The following FBXO31 variants were observed in gnomAD, a reference collection of about 807,000 sequenced individuals.
The protein encoded by FBXO31 is F-box only protein 31.
FBXO31 carries 24 observed loss-of-function variants against 54.4 expected under a neutral mutation model. The ratio of observed to expected loss-of-function variants is 0.44; its 90% CI spans 0.32 to 0.62. The LOEUF is 0.62. Among genes scored for constraint, FBXO31 ranks in the 20% least tolerant of loss-of-function variants. The probability of loss-of-function intolerance (pLI) is 0.05; values close to 1 mark genes in which losing one functional copy is unlikely to be tolerated. For synonymous variants in FBXO31, 388 were observed against 335.6 expected, an observed-to-expected ratio of 1.16 and a Z score of -1.71; for missense variants, 665 against 787.1, an observed-to-expected ratio of 0.84 and a Z score of 1.86.
upstream of FBXO31, chr16:87,384,210 T>TG (rs1907244879): frequency 6.6e-6 from 1 of 152,426 alleles, no homozygotes; most frequent in Non-Finnish European, 1.5e-5. Flanking sequence ...AGTAGAAAGA[T>TG]GCGCCTTACA....
chr16:87,366,584 C>G (rs950907796), intron 1 of FBXO31, among the ~76,000 whole-genome samples: 1 of 152,158 alleles, frequency 6.6e-6, no homozygotes, highest in Non-Finnish European at 1.5e-5. Context: ...CAGGGGTCAC[C>G]TGGAAACAGC....
At chr16:87,385,737 G>C (rs1336217836), upstream of FBXO31, among the ~76,000 whole-genome samples, 1 of 152,132 alleles carries the variant, frequency 6.6e-6, no homozygotes, top group African/African-American at 2.4e-5. Context: ...GGCCAGGCCT[G>C]GTGGCTCACA....
chr16:87,378,726 C>T (rs1229337155), intron 1 of FBXO31, among the ~76,000 whole-genome samples: 1 of 152,180 alleles, frequency 6.6e-6, no homozygotes, highest in African/African-American at 2.4e-5. Context: ...CTTTGGGAGG[C>T]AGAGGCGGGT....
rs567334491 is a variant in FBXO31, at chr16:87,334,192, T to C, written c.1091A>G (p.Asn364Ser). The change falls in exon 8 of 9, where the codon AAT becomes AGT. Residue 364 changes from asparagine (N) to serine (S), a missense_variant. Asn to Ser is a conservative substitution (Grantham distance 46, BLOSUM62 1). Transcript: ENST00000311635. ...CTCCAGGACGATGCGGGAGAGCTCA[T>C]TGAAGTTGCGCTGGTTCTCGAGGTC... ...LPDLENQRNF[N>S]ELSRIVLEVR... 1.1e-5 allele frequency: 18 copies of C among 1,612,748 alleles called. No individual in the cohort carries two copies. Among genetic ancestry groups the C allele is most frequent in the South Asian group, 9.9e-5 (9 of 91,026 alleles).
rs115890004 is a variant in FBXO31, at chr16:87,352,217, C to T, written c.413-4967G>A. Among the ~76,000 whole-genome samples, 602 of 152,280 alleles carry T rather than the reference C, an allele frequency of 4.0e-3. 5 individuals are homozygous for T. Among genetic ancestry groups the T allele is most frequent in the African/African-American group, 0.014 (579 of 41,522 alleles). On this transcript the variant is annotated intron_variant, in intron 2 of 8. Transcript: ENST00000311635. ...TCTGTCAGTTATAAAGAAATAAACA[C>T]TTCTCTGACAATCTAGGAGGCTAAA...
At chr16:87,365,795 G>C (rs1906342788) in intron 1 of FBXO31, among the ~76,000 whole-genome samples, 1 of 152,182 alleles carries the variant, frequency 6.6e-6, no homozygotes, top group African/African-American at 2.4e-5. Flanking sequence ...CACTTTGGGA[G>C]GCCAGGCAAA....
At chr16:87,373,631 C>G (rs1906697736) in intron 1 of FBXO31, among the ~76,000 whole-genome samples, 1 of 151,728 alleles carries the variant, frequency 6.6e-6, no homozygotes, top group Non-Finnish European at 1.5e-5. Flanking sequence ...TGGGCACAAG[C>G]AATCCTCCAG....
At chr16:87,347,354 G>T in intron 2 of FBXO31, 104 bp from the exon 3 acceptor site, 2 of 912,128 alleles carry the variant, frequency 2.2e-6, no homozygotes, top group Admixed American at 3.5e-5. Flanking sequence ...CTCACAAAAG[G>T]CTTGCAAGAG....
intron 2 of FBXO31, among the ~76,000 whole-genome samples, chr16:87,348,314 G>T (rs368409969): frequency 6.6e-6 from 1 of 152,188 alleles, no homozygotes; most frequent in South Asian, 2.1e-4. Flanking sequence ...CTGCACTCAT[G>T]AGCCACCCCT....
At chr16:87,375,507 A>C (rs1483381184) in intron 1 of FBXO31, among the ~76,000 whole-genome samples, 1 of 152,076 alleles carries the variant, frequency 6.6e-6, no homozygotes, top group Non-Finnish European at 1.5e-5. Context: ...TAAATAAATA[A>C]ATAAATAAAT....
In FBXO31 at chr16:87,383,420, T is replaced by G; in HGVS notation, c.325A>C (p.Arg109=). 1 of 1,513,272 alleles carries G rather than the reference T, an allele frequency of 6.6e-7. No individual in the cohort carries two copies. Among genetic ancestry groups the G allele is most frequent in the Non-Finnish European group, 8.9e-7 (1 of 1,127,554 alleles). The allele number at this position is 1,513,272 out of a possible 1,614,324, so 93.7% of individuals were successfully genotyped here. Residue 109 remains arginine (R), a synonymous_variant, in exon 1 of 9, where the codon AGG becomes CGG. Coordinates refer to ENST00000311635, the MANE Select transcript of FBXO31 (RefSeq NM_024735.5). This position sits in a 1 kb window ranked among gnomAD's most constrained non-coding sequence, Gnocchi z 4.9. ...GCGCGCTCACCCTCACGGCAACGCC[T>G]CCTCCAGATGGTGTCGGTGTGGAGG... is the stretch of plus-strand genomic sequence containing the variant. The part of the protein sequence containing the change: ...RILHTDTIWR[R]RCREEYGVCE...
rs1261515832 is a variant in FBXO31 at position 87,338,961 on chromosome 16, G to A, written c.733-2697C>T. 6.6e-6 allele frequency among the ~76,000 whole-genome samples: 1 copy of A among 152,180 alleles called. No homozygotes were observed. The highest frequency in any genetic ancestry group is 1.5e-5 in the Non-Finnish European group (1 of 68,036). On this transcript the variant is annotated intron_variant, in intron 5 of 8. Transcript: ENST00000311635. The surrounding 1 kb of genome is among the most constrained non-coding windows in gnomAD (Gnocchi z 4.3). ...GTGAATAAGTCTCACGAGATGCAATGGTTTTATAAAGGGGAGTTCCCCTGC... is the reference window on the plus strand; with the variant it reads ...GTGAATAAGTCTCACGAGATGCAATAGTTTTATAAAGGGGAGTTCCCCTGC...
At position 87,380,116 on chromosome 16, in the gene FBXO31, G is replaced by A. The variant is rs571771421; in HGVS notation, c.340+3289C>T. On this transcript the variant is annotated intron_variant, in intron 1 of 8. Transcript: ENST00000311635. Reference sequence around the variant, plus strand: ...ATATCAAGACCATTCTGGCCAACACGGTGAAACCCCGTCTCTACTAAAAAT... The same window carrying A: ...ATATCAAGACCATTCTGGCCAACACAGTGAAACCCCGTCTCTACTAAAAAT... Among the ~76,000 whole-genome samples the A allele has an allele frequency of 3.0e-4, 46 of 151,048 alleles. No homozygotes were observed. In the South Asian group the frequency reaches 9.5e-3, roughly 31 times the overall value.
chr16:87,389,151 T>C (rs140971321), intron 1 of FBXO31, among the ~76,000 whole-genome samples: 28 of 151,688 alleles, frequency 1.8e-4, no homozygotes, highest in African/African-American at 6.3e-4. Flanking sequence ...TATTATAATA[T>C]ATATACAATA....
upstream of FBXO31, chr16:87,383,899 C>T (rs990351483): frequency 4.2e-6 from 2 of 476,128 alleles, no homozygotes; most frequent in Non-Finnish European, 6.0e-6. This position sits in a 1 kb window ranked among gnomAD's most constrained non-coding sequence, Gnocchi z 4.9. Flanking sequence ...GCCGCGCCAC[C>T]CCCTCCCCGC....
Position 87,383,674 on chromosome 16 carries a change from C to A in FBXO31, c.71G>T (p.Gly24Val), listed in dbSNP as rs1373104498. The A allele has an allele frequency of 2.3e-6, 3 of 1,292,848 alleles. No homozygotes were observed. Among genetic ancestry groups the A allele is most frequent in the African/African-American group, 1.6e-5 (1 of 64,146 alleles). 80.1% of individuals were successfully genotyped at this position (1,292,848 alleles called of 1,614,324 possible). ...RGCRRRQQRRGPAETAAADSE... is the reference protein window; with the variant it reads ...RGCRRRQQRRVPAETAAADSE... ...GTCGGCCGCCGCCGTCTCGGCCGGGCCCCGGCGCTGCTGGCGGCGCCGACA... is the reference window on the plus strand; with the variant it reads ...GTCGGCCGCCGCCGTCTCGGCCGGGACCCGGCGCTGCTGGCGGCGCCGACA... The change falls in exon 1 of 9, where the codon GGC (glycine) becomes GTC (valine). Residue 24 changes from glycine (G) to valine (V), a missense_variant. Physicochemically the swap from Gly to Val is moderately radical, Grantham distance 109 (BLOSUM62 -3). This residue lies in a region of FBXO31 where 195 missense variants were observed against 174.8 expected (regional missense o/e 1.12). Coordinates refer to ENST00000311635, the MANE Select transcript of FBXO31 (RefSeq NM_024735.5). The surrounding 1 kb of genome is among the most constrained non-coding windows in gnomAD (Gnocchi z 4.9).
intron 1 of FBXO31, among the ~76,000 whole-genome samples, chr16:87,372,554 T>A (rs1438989878): frequency 2.0e-5 from 3 of 152,068 alleles, no homozygotes; most frequent in Non-Finnish European, 2.9e-5. Flanking sequence ...ACAAGAATCA[T>A]GAAGCATTTC....
chr16:87,336,609 A>T lies in FBXO31; in HGVS notation c.733-345T>A, dbSNP rs1312939783. ...CTTCCATGCCCACCGGTGGGGCAGG[A>T]ACAGCATCTACACAGACTCTGGCCC... On this transcript the variant is annotated intron_variant, in intron 5 of 8. Transcript: ENST00000311635. This position sits in a 1 kb window ranked among gnomAD's most constrained non-coding sequence, Gnocchi z 6.5. Among the ~76,000 whole-genome samples the T allele has an allele frequency of 6.6e-6, 1 of 152,006 alleles. No homozygotes were observed. The highest frequency in any genetic ancestry group is 2.4e-5 in the African/African-American group (1 of 41,402).
intron 2 of FBXO31, 91 bp downstream of exon 2, chr16:87,360,204 G>A: frequency 8.1e-7 from 1 of 1,227,298 alleles, no homozygotes; most frequent in Non-Finnish European, 1.2e-6. Context: ...CAAAAGTGTG[G>A]ACTAAATCAC....
Sources: gnomAD v4.1 joint callset for allele counts (sites outside exome capture counted in the v4.1 genomes callset) on GRCh38, gnomAD v4.1.1 for gene constraint, gnomAD v4.1.1 regional missense constraint, Gnocchi (gnomAD v3.1) non-coding constraint, MANE v1.5 for transcripts, NCBI Gene and HGNC (gene_info 2026-07-23, HGNC 2026-07-21) for gene names.